Variants in ZNF385D observed in about 807,000 individuals in gnomAD.
ZNF385D encodes the protein zinc finger protein 385D, also known as zinc finger protein 659.
ZNF385D carries 15 observed loss-of-function variants against 35.8 expected under a neutral mutation model. That is an observed-to-expected ratio of 0.42 (90% CI 0.28 to 0.64). ZNF385D has a LOEUF of 0.64. Among genes scored for constraint, ZNF385D ranks in the 30% least tolerant of loss-of-function variants. ZNF385D has a pLI of 0.23. For missense variants in ZNF385D, 474 were observed against 494.6 expected, an observed-to-expected ratio of 0.96 and a Z score of 0.39; for synonymous variants, 212 against 186.8, an observed-to-expected ratio of 1.13 and a Z score of -1.10.
In ZNF385D at chr3:21,929,020, A is replaced by G. The variant is rs186781376; in HGVS notation, c.325+239797T>C. ...AATGCTAAGGCCAAACAAATGTATC[A>G]GTAGAAAAGAAAGCTATAATTCAAT... On this transcript the variant is annotated intron_variant, in intron 3 of 5. Coordinates refer to the ZNF385D transcript ENST00000494108. 1.4e-4 allele frequency among the ~76,000 whole-genome samples: 21 copies of G among 152,290 alleles called. No individual in the cohort carries two copies. The East Asian group carries it at 3.3e-3, about 24-fold the overall frequency.
At chr3:22,161,346 AC>A (rs1371804507) in intron 3 of ZNF385D, among the ~76,000 whole-genome samples, 1 of 152,110 alleles carries the variant, frequency 6.6e-6, no homozygotes, top group African/African-American at 2.4e-5. Flanking sequence ...AATGTTGGGG[AC>A]TTTTAATTTA....
intron 1 of ZNF385D, among the ~76,000 whole-genome samples, chr3:21,692,645 G>A (rs893043893): frequency 8.5e-5 from 13 of 152,122 alleles, no homozygotes; most frequent in South Asian, 6.2e-4. Flanking sequence ...TGCACTCTAC[G>A]CAGAATGCCA....
intron 3 of ZNF385D, among the ~76,000 whole-genome samples, chr3:21,892,889 A>G (rs1698945386): frequency 6.6e-6 from 1 of 152,214 alleles, no homozygotes. Flanking sequence ...ATAGAATAGA[A>G]TAGAATGCAG....
chr3:21,493,456 A>G (rs1050081796), intron 4 of ZNF385D, among the ~76,000 whole-genome samples: 16 of 152,210 alleles, frequency 1.1e-4, no homozygotes, highest in African/African-American at 3.1e-4. Flanking sequence ...TTAAAACTAT[A>G]CTTTTATTCA....
chr3:22,119,631 T>C (rs2125661750), intron 3 of ZNF385D, among the ~76,000 whole-genome samples: 1 of 152,238 alleles, frequency 6.6e-6, no homozygotes, highest in Admixed American at 6.5e-5. Context: ...CTTTTATAGC[T>C]AGCTTATGGT....
chr3:22,032,810 A>G (rs548588308), intron 3 of ZNF385D, among the ~76,000 whole-genome samples: 5 of 152,250 alleles, frequency 3.3e-5, no homozygotes, highest in East Asian at 1.9e-4. Flanking sequence ...ACTGATTTGC[A>G]TGCTTTAGAT....
chr3:21,523,534 G>C (rs908283466), intron 3 of ZNF385D, among the ~76,000 whole-genome samples: 1 of 152,076 alleles, frequency 6.6e-6, no homozygotes, highest in Non-Finnish European at 1.5e-5. Flanking sequence ...ACTCTTCTGA[G>C]GGTCTTCTTC....
chr3:22,194,118 G>T (rs141931905), intron 2 of ZNF385D, among the ~76,000 whole-genome samples: 1 of 151,760 alleles, frequency 6.6e-6, no homozygotes, highest in African/African-American at 2.4e-5. Context: ...TAACACAGAA[G>T]AATTATTATT....
chr3:22,139,622 G>C (rs983102338), intron 3 of ZNF385D, among the ~76,000 whole-genome samples: 3 of 151,880 alleles, frequency 2.0e-5, no homozygotes, highest in African/African-American at 4.8e-5. Context: ...TTGTGGGGTG[G>C]GGGGAGGAGG....
Position 21,437,068 on chromosome 3 carries a change from G to A in ZNF385D, c.575C>T (p.Ser192Phe). The change falls in exon 5 of 8, where the codon TCT becomes TTT. Residue 192 changes from serine to phenylalanine, a missense_variant. By Grantham distance (155) the Ser-to-Phe change is radical (BLOSUM62 -2). Transcript: ENST00000281523. The part of the protein sequence containing the change: ...TTATGNSSCP[S>F]TETEEEKAKR... ...TGCCTTTTCTTCCTCGGTCTCAGTA[G>A]AAGGACATGAGCTATTGCCAGTGGC... is the stretch of plus-strand genomic sequence containing the variant. 1 of 1,614,032 alleles carries A rather than the reference G, an allele frequency of 6.2e-7. No homozygotes were observed. Among genetic ancestry groups the A allele is most frequent in the Non-Finnish European group, 8.5e-7 (1 of 1,179,904 alleles).
intron 2 of ZNF385D, among the ~76,000 whole-genome samples, chr3:22,186,597 C>T (rs1695647836): frequency 2.0e-5 from 3 of 152,074 alleles, no homozygotes; most frequent in African/African-American, 7.2e-5. Context: ...TTTGATCTGA[C>T]TTTCCTTGTA....
At chr3:21,472,834 C>T (rs149774660) in intron 4 of ZNF385D, among the ~76,000 whole-genome samples, 150 of 152,226 alleles carry the variant, frequency 9.9e-4, no homozygotes, top group African/African-American at 3.1e-3. Context: ...TTATTTGCAT[C>T]GCCTGCCCAC....
chr3:21,474,217 G>A (rs1018529485), intron 4 of ZNF385D, among the ~76,000 whole-genome samples: 4 of 151,882 alleles, frequency 2.6e-5, no homozygotes, highest in Non-Finnish European at 5.9e-5. Context: ...GGCTTACGTA[G>A]GGAAACCTAA....
At chr3:21,885,360 G>T (rs527829376) in intron 3 of ZNF385D, among the ~76,000 whole-genome samples, 13 of 151,608 alleles carry the variant, frequency 8.6e-5, no homozygotes, top group Non-Finnish European at 1.6e-4. Context: ...TTGCTGAGTC[G>T]AATAATAATC....
intron 3 of ZNF385D, among the ~76,000 whole-genome samples, chr3:21,978,666 A>G (rs1360700701): frequency 6.6e-6 from 1 of 152,166 alleles, no homozygotes; most frequent in African/African-American, 2.4e-5. Flanking sequence ...AGTACAAGAC[A>G]TTTCTATTAT....
intron 3 of ZNF385D, among the ~76,000 whole-genome samples, chr3:22,156,384 GC>G (rs143230169): frequency 0.04 from 6,096 of 152,100 alleles, 196 homozygotes; most frequent in Non-Finnish European, 0.058. Flanking sequence ...GGTGTACACA[GC>G]CCCCCTGCCC....
At chr3:21,443,945 T>C (rs1373262006) in intron 4 of ZNF385D, among the ~76,000 whole-genome samples, 6 of 152,234 alleles carry the variant, frequency 3.9e-5, no homozygotes, top group Non-Finnish European at 5.9e-5. Context: ...AATAGATTCA[T>C]ATACATAATG....
chr3:22,214,617 G>A (rs965083638), intron 2 of ZNF385D, among the ~76,000 whole-genome samples: 3 of 152,026 alleles, frequency 2.0e-5, no homozygotes, highest in African/African-American at 7.2e-5. Flanking sequence ...GGCCGCTTCA[G>A]GGGGTGGCCA....
At chr3:21,461,648 A>C (rs1208295856) in intron 4 of ZNF385D, among the ~76,000 whole-genome samples, 1 of 152,252 alleles carries the variant, frequency 6.6e-6, no homozygotes, top group African/African-American at 2.4e-5. Context: ...GACGTTTTAA[A>C]TTCAAATTAT....
Sources: gnomAD v4.1 joint callset for allele counts (sites outside exome capture counted in the v4.1 genomes callset) on GRCh38, gnomAD v4.1.1 for gene constraint, MANE v1.5 for transcripts, NCBI Gene and HGNC (gene_info 2026-07-23, HGNC 2026-07-21) for gene names.